ANKS6: variants seen among roughly 807,000 people sequenced by gnomAD.
ANKS6 encodes the protein ankyrin repeat and SAM domain-containing protein 6.
ANKS6 carries 47 observed loss-of-function variants against 77.9 expected under a neutral mutation model. That is an observed-to-expected ratio of 0.60 (90% CI 0.48 to 0.77). The LOEUF is 0.77. ANKS6 is among the 30% of genes least tolerant of loss of function. ANKS6 has a pLI of 0.00. For synonymous variants in ANKS6, 488 were observed against 501.7 expected (o/e 0.97, Z 0.37); for missense variants, 1,150 against 1,159.1 (o/e 0.99, Z 0.11).
At chr9:98,760,318 T>G (rs1832940629) in intron 11 of ANKS6, among the ~76,000 whole-genome samples, 1 of 152,158 alleles carries the variant, frequency 6.6e-6, no homozygotes, top group East Asian at 1.9e-4. Context: ...CATTGGCCAC[T>G]GATTATCAAC....
At position 98,734,567 on chromosome 9, in the gene ANKS6, G is replaced by A; in HGVS notation, c.*1952C>T. On this transcript the variant is annotated 3_prime_UTR_variant, in exon 15 of 15. Coordinates refer to ENST00000353234, the MANE Select transcript of ANKS6 (RefSeq NM_173551.5). The stretch of plus-strand genomic sequence containing the variant: ...ATCACAAGTGCTTCTAGCTCCAGGA[G>A]TCTATAGGAGTTAGTGGAAAAGGCA... 1 of 985,450 alleles carries A rather than the reference G, an allele frequency of 1.0e-6. No homozygotes were observed. The highest frequency in any genetic ancestry group is 1.2e-6 in the Non-Finnish European group (1 of 829,942). 61.0% of individuals were successfully genotyped at this position (985,450 alleles called of 1,614,324 possible).
In ANKS6 at chr9:98,735,681, A is replaced by G; in HGVS notation, c.*838T>C. On this transcript the variant is annotated 3_prime_UTR_variant, in exon 15 of 15. Transcript: ENST00000353234. ...GAGTACCAGAGCATCATCTGGTCTG[A>G]CCTTCCACTTTGCAGATAAGGAAAC... is the stretch of plus-strand genomic sequence containing the variant. 8.1e-7 allele frequency: 1 copy of G among 1,231,770 alleles called. No individual in the cohort carries two copies. The highest frequency in any genetic ancestry group is 1.0e-6 in the Non-Finnish European group (1 of 987,984). The allele number at this position is 1,231,770 out of a possible 1,614,324, so 76.3% of individuals were successfully genotyped here.
At chr9:98,744,522 T>A (rs1290395425) in intron 14 of ANKS6, among the ~76,000 whole-genome samples, 1 of 152,144 alleles carries the variant, frequency 6.6e-6, no homozygotes, top group Non-Finnish European at 1.5e-5. Flanking sequence ...ACAGGACTGA[T>A]GAGGAAACGT....
chr9:98,778,808 C>T (rs867729708), intron 6 of ANKS6, among the ~76,000 whole-genome samples: 3 of 152,190 alleles, frequency 2.0e-5, no homozygotes, highest in Non-Finnish European at 2.9e-5. Context: ...GATTCCTAAG[C>T]GTCTACAATA....
At chr9:98,760,188 C>T (rs967227283) in intron 11 of ANKS6, among the ~76,000 whole-genome samples, 9 of 152,324 alleles carry the variant, frequency 5.9e-5, no homozygotes, top group African/African-American at 1.9e-4. Context: ...GGAGCTCCCA[C>T]ACTCTTCCTG....
At chr9:98,794,150 A>AC (rs1209188507) in intron 1 of ANKS6, among the ~76,000 whole-genome samples, 3 of 149,860 alleles carry the variant, frequency 2.0e-5, no homozygotes, top group Non-Finnish European at 1.5e-5. Flanking sequence ...CTCCGTCTCA[A>AC]AAAAAAAAAA....
chr9:98,751,883 C>G (rs1832445946), intron 12 of ANKS6, among the ~76,000 whole-genome samples: 1 of 152,126 alleles, frequency 6.6e-6, no homozygotes, highest in Non-Finnish European at 1.5e-5. Context: ...AAGTTCAAAA[C>G]CAGGCCTGGC....
At chr9:98,771,920 T>A (rs771601459) in intron 9 of ANKS6, among the ~76,000 whole-genome samples, 2 of 152,168 alleles carry the variant, frequency 1.3e-5, no homozygotes, top group Non-Finnish European at 2.9e-5. Flanking sequence ...TTTACTGCGG[T>A]TGCCTGTGTG....
rs1366021507 is a variant in ANKS6 at position 98,791,621 on chromosome 9, CAG to C, written c.360-1017_360-1016del. Among the ~76,000 whole-genome samples, 5 of 152,172 alleles carry C rather than the reference CAG, an allele frequency of 3.3e-5. No individual in the cohort carries two copies. The highest frequency in any genetic ancestry group is 1.2e-4 in the African/African-American group (5 of 41,440). Reference sequence around the variant, plus strand: ...GACTAACAAGAAAACAATGACAAGACAGGGGCTGTCTACTCCAGGTTTTCGAG... The same window carrying C: ...GACTAACAAGAAAACAATGACAAGACGGGCTGTCTACTCCAGGTTTTCGAG... On this transcript the variant is annotated intron_variant, in intron 1 of 14. Transcript: ENST00000353234. The surrounding 1 kb of genome is among the most constrained non-coding windows in gnomAD (Gnocchi z 4.3).
Position 98,736,125 on chromosome 9 carries a change from A to C in ANKS6, c.*394T>G. On this transcript the variant is annotated 3_prime_UTR_variant, in exon 15 of 15. Coordinates refer to ENST00000353234, the MANE Select transcript of ANKS6 (RefSeq NM_173551.5). Reference sequence around the variant, plus strand: ...GGCCAAGAGGACGTGAGCAGGAGTGATGTGTGTCAGTTAAGAGCAAGGCAG... The same window carrying C: ...GGCCAAGAGGACGTGAGCAGGAGTGCTGTGTGTCAGTTAAGAGCAAGGCAG... The C allele has an allele frequency of 8.7e-7, 1 of 1,151,580 alleles. No homozygotes were observed. Among genetic ancestry groups the C allele is most frequent in the Non-Finnish European group, 1.1e-6 (1 of 934,610 alleles). The allele number at this position is 1,151,580 out of a possible 1,614,324, so 71.3% of individuals were successfully genotyped here.
At chr9:98,756,379 T>G in intron 12 of ANKS6, 41 bp downstream of exon 12, 79 of 1,588,046 alleles carry the variant, frequency 5.0e-5, no homozygotes, top group South Asian at 5.7e-5. Flanking sequence ...GTCATCATGG[T>G]GAGAGGAATA....
rs747729890 is a variant in ANKS6, at chr9:98,745,518, G to A, written c.2511+41C>T. On this transcript the variant is annotated intron_variant, in intron 14 of 14. Transcript: ENST00000353234. ...TCCCAGGACCCTGGTGAAGCTCTCA[G>A]ATGTCTGAAACACGGAAATACAAGA... 1.6e-5 allele frequency: 25 copies of A among 1,568,662 alleles called. No individual in the cohort carries two copies. In the East Asian group the frequency reaches 5.6e-4, roughly 35 times the overall value.
At chr9:98,787,352 C>T (rs376945327) in intron 2 of ANKS6, among the ~76,000 whole-genome samples, 332 of 151,416 alleles carry the variant, frequency 2.2e-3, no homozygotes, top group African/African-American at 7.7e-3. Flanking sequence ...CTTTGCCACA[C>T]CCAACCTCTT....
chr9:98,773,137 C>T (rs895272638), intron 9 of ANKS6, among the ~76,000 whole-genome samples: 2 of 152,210 alleles, frequency 1.3e-5, no homozygotes, highest in Non-Finnish European at 2.9e-5. Context: ...ACCTGTCCTG[C>T]CTGTTTTGAG....
Position 98,790,518 on chromosome 9 carries a change from C to A in ANKS6, c.448G>T (p.Val150Leu). ...QNRLGASVLT[V>L]ASRGGHLGVV... Reference sequence around the variant, plus strand: ...CCCAGGTGGCCGCCCCGAGAAGCCACAGTGAGCACACTGGCCCCCAGCCGG... The same window carrying A: ...CCCAGGTGGCCGCCCCGAGAAGCCAAAGTGAGCACACTGGCCCCCAGCCGG... The change falls in exon 2 of 15, where the codon GTG becomes TTG. Residue 150 changes from valine to leucine, a missense_variant. By Grantham distance (32) the Val-to-Leu change is conservative. Transcript: ENST00000353234. 2 of 1,613,700 alleles carry A rather than the reference C, an allele frequency of 1.2e-6. No homozygotes were observed. The highest frequency in any genetic ancestry group is 1.6e-4 in the Middle Eastern group (1 of 6,062).
At chr9:98,750,708 G>A (rs1832380866) in intron 13 of ANKS6, among the ~76,000 whole-genome samples, 1 of 151,910 alleles carries the variant, frequency 6.6e-6, no homozygotes, top group Admixed American at 6.6e-5. Context: ...GGTTCCTTAG[G>A]GTTTACTATT....
Position 98,733,304 on chromosome 9 carries a change from G to A in ANKS6, c.*3215C>T. 1 of 985,508 alleles carries A rather than the reference G, an allele frequency of 1.0e-6. No individual in the cohort carries two copies. The highest frequency in any genetic ancestry group is 4.7e-5 in the South Asian group (1 of 21,290). 61.0% of individuals were successfully genotyped at this position (985,508 alleles called of 1,614,324 possible). ...GCAGGAGCCCTCCGTGGCCAGCAGG[G>A]ACTTGGACATCCAGCACTCACGACA... is the stretch of plus-strand genomic sequence containing the variant. On this transcript the variant is annotated 3_prime_UTR_variant, in exon 15 of 15. Transcript: ENST00000353234.
At chr9:98,767,908 T>C (rs913140574) in intron 11 of ANKS6, among the ~76,000 whole-genome samples, 173 bp downstream of exon 11, 1 of 152,234 alleles carries the variant, frequency 6.6e-6, no homozygotes, top group African/African-American at 2.4e-5. Context: ...GGTAAACGCC[T>C]GGTGCGGAGG....
In ANKS6 at chr9:98,732,413, G is replaced by C; in HGVS notation, c.*4106C>G. The C allele has an allele frequency of 7.2e-7, 1 of 1,386,384 alleles. No homozygotes were observed. Among genetic ancestry groups the C allele is most frequent in the Admixed American group, 2.1e-5 (1 of 47,454 alleles). The allele number at this position is 1,386,384 out of a possible 1,614,324, so 85.9% of individuals were successfully genotyped here. A position where few individuals can be genotyped will look rare whatever the true frequency, so the allele number is the denominator to read the frequency against. ...ATGCCAGGAAATCCAGTGACAGCAA[G>C]ACCCAGAGTCAGGCACATTTGGAGG... is the stretch of plus-strand genomic sequence containing the variant. On this transcript the variant is annotated 3_prime_UTR_variant, in exon 15 of 15. Coordinates refer to ENST00000353234, the MANE Select transcript of ANKS6 (RefSeq NM_173551.5).
Sources: gnomAD v4.1 joint callset for allele counts (sites outside exome capture counted in the v4.1 genomes callset) on GRCh38, gnomAD v4.1.1 for gene constraint, Gnocchi (gnomAD v3.1) non-coding constraint, MANE v1.5 for transcripts, NCBI Gene and HGNC (gene_info 2026-07-23, HGNC 2026-07-21) for gene names.